The following GREB1L variants were observed in gnomAD, a reference collection of about 807,000 sequenced individuals.
GREB1L encodes GREB1 like retinoic acid receptor coactivator, also known as GREB1-like protein.
In GREB1L, 17 loss-of-function variants were observed where a neutral mutation model predicts 200.8. The ratio of observed to expected loss-of-function variants is 0.08; its 90% CI spans 0.06 to 0.13. The LOEUF (loss-of-function observed/expected upper bound fraction) is 0.13. Ranked by LOEUF, GREB1L falls within the 10% of genes least tolerant of loss-of-function variation. GREB1L has a pLI of 1.00. For synonymous variants in GREB1L, 789 were observed against 893.0 expected (o/e 0.88, Z 2.08); for missense variants, 1,657 against 2,367.7 (o/e 0.70, Z 6.23).
chr18:21,368,778 C>T (rs1484067604), intron 2 of GREB1L, among the ~76,000 whole-genome samples: 2 of 152,058 alleles, frequency 1.3e-5, no homozygotes, highest in Non-Finnish European at 2.9e-5. Context: ...AATTTATTTA[C>T]CCCTCTTTGT....
At chr18:21,389,008 G>A (rs1212098351) in intron 4 of GREB1L, among the ~76,000 whole-genome samples, 2 of 152,058 alleles carry the variant, frequency 1.3e-5, no homozygotes, top group Non-Finnish European at 2.9e-5. Context: ...GGCTGAAGGA[G>A]TGTTATCCCC....
intron 5 of GREB1L, among the ~76,000 whole-genome samples, chr18:21,400,073 T>G (rs2144499931): frequency 6.6e-6 from 1 of 152,310 alleles, no homozygotes; most frequent in South Asian, 2.1e-4. Context: ...GGAATGCCCT[T>G]TCTTATTACA....
chr18:21,289,601 T>C (rs2038415019), intron 1 of GREB1L, among the ~76,000 whole-genome samples: 1 of 152,154 alleles, frequency 6.6e-6, no homozygotes, highest in African/African-American at 2.4e-5. Context: ...TTAAATAGAA[T>C]GTAAATTATC....
intron 4 of GREB1L, among the ~76,000 whole-genome samples, chr18:21,389,546 G>T (rs908982785): frequency 3.3e-5 from 5 of 151,962 alleles, no homozygotes; most frequent in Non-Finnish European, 5.9e-5. Context: ...TGTGTGGATT[G>T]TGTAGTTTTC....
chr18:21,456,415 G>A (rs1007735012), intron 15 of GREB1L, among the ~76,000 whole-genome samples: 2 of 152,176 alleles, frequency 1.3e-5, no homozygotes, highest in African/African-American at 2.4e-5. Flanking sequence ...CATTCCATGC[G>A]TGTATCAAAT....
chr18:21,518,257 T>A (rs1301178056), intron 31 of GREB1L, 23 bp downstream of exon 31: 3 of 1,542,488 alleles, frequency 1.9e-6, no homozygotes, highest in Non-Finnish European at 2.6e-6. Flanking sequence ...TGGGGGATAC[T>A]GTGCTTACCT....
intron 15 of GREB1L, chr18:21,468,709 C>T (rs1392269701): frequency 2.2e-5 from 10 of 456,632 alleles, no homozygotes; most frequent in Admixed American, 1.6e-4. Flanking sequence ...CTCTTCATGT[C>T]GTTTTTCCTG....
Position 21,481,465 on chromosome 18 carries a change from G to A in GREB1L, c.2556+4109G>A, listed in dbSNP as rs867556085. On this transcript the variant is annotated intron_variant, in intron 17 of 32. Transcript: ENST00000424526. ...TGTGTGTGTGTGTGTGTGTGTGTGT[G>A]TGTGTGTGTGTGTATATATATATAT... 2.0e-3 allele frequency among the ~76,000 whole-genome samples: 206 copies of A among 103,356 alleles called. 2 individuals carry two copies. The highest frequency in any genetic ancestry group is 9.6e-3 in the African/African-American group (194 of 20,254). 67.8% of individuals were successfully genotyped at this position (103,356 alleles called of 152,430 possible).
At chr18:21,429,633 G>A (rs2032987547) in intron 7 of GREB1L, among the ~76,000 whole-genome samples, 2 of 152,098 alleles carry the variant, frequency 1.3e-5, no homozygotes, top group Admixed American at 1.3e-4. Context: ...ATTCACTAAG[G>A]AAGACTTCTG....
chr18:21,436,252 G>T (rs2033528144), intron 7 of GREB1L, among the ~76,000 whole-genome samples: 1 of 152,112 alleles, frequency 6.6e-6, no homozygotes, highest in Admixed American at 6.5e-5. Flanking sequence ...AGGACTGATG[G>T]TATAGAGTAG....
At chr18:21,363,296 C>T (rs868156650) in intron 1 of GREB1L, among the ~76,000 whole-genome samples, 1 of 111,934 alleles carries the variant, frequency 8.9e-6, no homozygotes, top group Non-Finnish European at 1.9e-5. Context: ...CGCCCCCCCC[C>T]CCCCACACAC....
At chr18:21,455,952 G>A (rs1023002995) in intron 15 of GREB1L, among the ~76,000 whole-genome samples, 2 of 141,586 alleles carry the variant, frequency 1.4e-5, no homozygotes, top group African/African-American at 5.3e-5. Flanking sequence ...TGCCCAGGCA[G>A]GAGTGCAGTG....
chr18:21,437,733 G>A (rs1431220065), intron 7 of GREB1L, among the ~76,000 whole-genome samples: 1 of 152,142 alleles, frequency 6.6e-6, no homozygotes, highest in Non-Finnish European at 1.5e-5. Context: ...AGAAAGAAAA[G>A]GAAGGACATC....
intron 1 of GREB1L, among the ~76,000 whole-genome samples, chr18:21,345,246 C>G (rs1300705707): frequency 2.0e-5 from 3 of 152,184 alleles, no homozygotes; most frequent in African/African-American, 7.2e-5. Flanking sequence ...GAATGGATCA[C>G]CTTCTGTCCA....
intron 1 of GREB1L, among the ~76,000 whole-genome samples, chr18:21,347,582 A>G (rs1037494668): frequency 2.0e-5 from 3 of 151,358 alleles, no homozygotes; most frequent in Admixed American, 6.6e-5. Flanking sequence ...CAGCCTCCCA[A>G]GTAACTGGGA....
intron 2 of GREB1L, among the ~76,000 whole-genome samples, chr18:21,381,236 C>T (rs759153467): frequency 1.1e-4 from 17 of 151,522 alleles, no homozygotes; most frequent in Non-Finnish European, 1.3e-4. Flanking sequence ...AGCGAGACTC[C>T]GTCTCAAAAA....
chr18:21,410,653 A>G (rs1164593798), intron 7 of GREB1L, among the ~76,000 whole-genome samples: 1 of 151,340 alleles, frequency 6.6e-6, no homozygotes, highest in Non-Finnish European at 1.5e-5. Flanking sequence ...AAAAAAAGAC[A>G]AAGTGTTGAT....
intron 4 of GREB1L, among the ~76,000 whole-genome samples, chr18:21,387,175 AG>A (rs1030689233): frequency 9.9e-5 from 15 of 152,188 alleles, no homozygotes; most frequent in Non-Finnish European, 7.4e-5. Flanking sequence ...ACCAAATTTT[AG>A]GCCTCCAAAT....
chr18:21,345,076 C>G (rs1195618736), intron 1 of GREB1L, among the ~76,000 whole-genome samples: 1 of 152,190 alleles, frequency 6.6e-6, no homozygotes, highest in Non-Finnish European at 1.5e-5. Flanking sequence ...TGAAGAGTCC[C>G]ATTAATTGCC....
Sources: gnomAD v4.1 joint callset for allele counts (sites outside exome capture counted in the v4.1 genomes callset) on GRCh38, gnomAD v4.1.1 for gene constraint, MANE v1.5 for transcripts, NCBI Gene and HGNC (gene_info 2026-07-23, HGNC 2026-07-21) for gene names.